The following CNTN6 variants were observed in gnomAD, a reference collection of about 807,000 sequenced individuals.
CNTN6 encodes the protein contactin-6.
Under a neutral mutation model 122.8 loss-of-function variants are expected in CNTN6, and 137 were observed. The ratio of observed to expected loss-of-function variants is 1.12; its 90% confidence interval spans 0.97 to 1.29. CNTN6 has a LOEUF of 1.29. Among genes scored for constraint, CNTN6 ranks in the 50% most tolerant of loss-of-function variants. The pLI, the probability that CNTN6 is intolerant of heterozygous loss-of-function variation, is 0.00. For synonymous variants in CNTN6, 570 were observed against 426.0 expected (o/e 1.34, Z -4.16); for missense variants, 1,634 against 1,223.4 (o/e 1.34, Z -5.01).
intron 4 of CNTN6, among the ~76,000 whole-genome samples, chr3:1,276,473 A>G (rs1307191195): frequency 6.6e-6 from 1 of 152,174 alleles, no homozygotes; most frequent in Non-Finnish European, 1.5e-5. Context: ...TGTATTTTAA[A>G]TTTAAACCAA....
chr3:1,247,297 C>A (rs1050606489), intron 4 of CNTN6, among the ~76,000 whole-genome samples: 3 of 152,114 alleles, frequency 2.0e-5, no homozygotes, highest in African/African-American at 7.2e-5. Flanking sequence ...AGTGCCATTC[C>A]TAAAGGGAAT....
chr3:1,119,516 G>C (rs1376073494), intron 1 of CNTN6, among the ~76,000 whole-genome samples: 1 of 151,912 alleles, frequency 6.6e-6, no homozygotes, highest in African/African-American at 2.4e-5. Flanking sequence ...ATTTGAAAGA[G>C]AGCATCATAG....
chr3:1,322,236 T>C (rs1194731421), intron 8 of CNTN6, among the ~76,000 whole-genome samples: 1 of 151,726 alleles, frequency 6.6e-6, no homozygotes, highest in Non-Finnish European at 1.5e-5. Flanking sequence ...TACTGCATGG[T>C]GGTTTATAAT....
intron 1 of CNTN6, among the ~76,000 whole-genome samples, chr3:1,099,732 G>T (rs186085563): frequency 6.6e-6 from 1 of 151,968 alleles, no homozygotes; most frequent in Non-Finnish European, 1.5e-5. Flanking sequence ...TAATTCATCC[G>T]CACCTACTAT....
intron 2 of CNTN6, among the ~76,000 whole-genome samples, chr3:1,186,840 A>G (rs1350909637): frequency 6.6e-6 from 1 of 150,966 alleles, no homozygotes; most frequent in African/African-American, 2.5e-5. Context: ...AAAGGGGTTA[A>G]AAGAAAAAAA....
intron 5 of CNTN6, among the ~76,000 whole-genome samples, chr3:1,288,394 C>G (rs1169189570): frequency 6.6e-6 from 1 of 152,182 alleles, no homozygotes; most frequent in African/African-American, 2.4e-5. Context: ...TCAATGACTT[C>G]AGTCCAGAAA....
chr3:1,156,625 TTCTTTC>T (rs1346390826), intron 2 of CNTN6, among the ~76,000 whole-genome samples: 122 of 151,660 alleles, frequency 8.0e-4, no homozygotes, highest in African/African-American at 2.8e-3. Flanking sequence ...TTTTCTTTCT[TTCTTTC>T]TCTTTCTTTC....
intron 11 of CNTN6, among the ~76,000 whole-genome samples, chr3:1,343,194 A>G (rs1317096981): frequency 6.6e-6 from 1 of 152,220 alleles, no homozygotes; most frequent in African/African-American, 2.4e-5. Context: ...TGCATATAAC[A>G]TACAAAACTT....
intron 17 of CNTN6, among the ~76,000 whole-genome samples, chr3:1,382,355 G>T (rs905890170): frequency 2.6e-5 from 4 of 152,136 alleles, no homozygotes; most frequent in Non-Finnish European, 5.9e-5. Context: ...TCTGATCTTT[G>T]TGAGAGTTAA....
rs1489090175 is a variant in CNTN6 at position 1,329,875 on chromosome 3, C to G, written c.1304C>G (p.Ala435Gly). The part of the protein sequence containing the change: ...GDIVIGCKPN[A>G]FPRAAISWKR... ...ATTGTTATCGGATGCAAACCAAATG[C>G]TTTTCCCAGGGCAGCTATCTCTTGG... is the stretch of plus-strand genomic sequence containing the variant. Residue 435 changes from alanine to glycine, a missense_variant, in exon 11 of 23, where the codon GCT (alanine) becomes GGT (glycine). By Grantham distance (60) the Ala-to-Gly change is moderately conservative. Transcript: ENST00000446702. 1.9e-6 allele frequency: 3 copies of G among 1,610,548 alleles called. No homozygotes were observed. The highest frequency in any genetic ancestry group is 2.5e-6 in the Non-Finnish European group (3 of 1,177,902).
intron 5 of CNTN6, among the ~76,000 whole-genome samples, chr3:1,288,346 C>T (rs547610444): frequency 1.3e-5 from 2 of 151,994 alleles, no homozygotes; most frequent in Admixed American, 1.3e-4. Context: ...GTGTTAGGCA[C>T]GTTTCTGGAT....
chr3:1,228,599 A>C (rs2094315675), intron 4 of CNTN6, among the ~76,000 whole-genome samples: 1 of 152,172 alleles, frequency 6.6e-6, no homozygotes, highest in African/African-American at 2.4e-5. Flanking sequence ...GTTTCCAGGG[A>C]CTGAAATGTT....
At chr3:1,269,384 T>C (rs1259362397) in intron 4 of CNTN6, among the ~76,000 whole-genome samples, 1 of 152,216 alleles carries the variant, frequency 6.6e-6, no homozygotes, top group East Asian at 1.9e-4. Flanking sequence ...TCACCTTCCT[T>C]TCAGGAACAC....
At chr3:1,335,563 G>C (rs143351783) in intron 11 of CNTN6, among the ~76,000 whole-genome samples, 68 of 152,200 alleles carry the variant, frequency 4.5e-4, no homozygotes, top group African/African-American at 1.6e-3. Context: ...AATTTAATAG[G>C]AAGTGTTAAC....
intron 20 of CNTN6, among the ~76,000 whole-genome samples, chr3:1,393,238 T>G: frequency 5.4e-5 from 5 of 92,654 alleles, no homozygotes; most frequent in Admixed American, 1.3e-4. Context: ...TAAAAAATGA[T>G]GAGTTCATGT....
chr3:1,235,858 C>A (rs1288640123), intron 4 of CNTN6, among the ~76,000 whole-genome samples: 1 of 151,162 alleles, frequency 6.6e-6, no homozygotes, highest in African/African-American at 2.4e-5. Context: ...CTCAGTGCTG[C>A]TGGGGGCGGG....
chr3:1,135,855 G>A (rs1027107095), intron 1 of CNTN6, among the ~76,000 whole-genome samples: 1 of 152,014 alleles, frequency 6.6e-6, no homozygotes, highest in East Asian at 1.9e-4. Flanking sequence ...AGCTGGGCAC[G>A]GTGGTGAGCG....
chr3:1,282,654 G>A (rs1258817608), intron 5 of CNTN6, among the ~76,000 whole-genome samples: 2 of 152,150 alleles, frequency 1.3e-5, no homozygotes, highest in East Asian at 3.9e-4. Context: ...GCACAGAGAG[G>A]ACTGCAATGC....
intron 5 of CNTN6, among the ~76,000 whole-genome samples, chr3:1,291,584 A>G (rs1216016042): frequency 6.6e-6 from 1 of 152,180 alleles, no homozygotes; most frequent in African/African-American, 2.4e-5. Flanking sequence ...TTTGCTCAAG[A>G]TTGTCTTTGT....
Sources: gnomAD v4.1 joint callset for allele counts (sites outside exome capture counted in the v4.1 genomes callset) on GRCh38, gnomAD v4.1.1 for gene constraint, MANE v1.5 for transcripts, NCBI Gene and HGNC (gene_info 2026-07-23, HGNC 2026-07-21) for gene names.